Variants in MAN1A1 observed in about 807,000 individuals in gnomAD.
The protein encoded by MAN1A1 is mannosyl-oligosaccharide 1,2-alpha-mannosidase IA.
A neutral mutation model predicts 70.8 loss-of-function variants in MAN1A1; 29 were observed. That is an observed-to-expected ratio of 0.41 (90% CI 0.31 to 0.56). The LOEUF (loss-of-function observed/expected upper bound fraction) is 0.56, where lower values mean the gene tolerates loss of function less well. Ranked by LOEUF, MAN1A1 falls within the 20% of genes least tolerant of loss-of-function variation. The probability of loss-of-function intolerance (pLI) is 0.29; values close to 1 mark genes in which losing one functional copy is unlikely to be tolerated. For missense variants in MAN1A1, 747 were observed against 841.3 expected (o/e 0.89, Z 1.39); for synonymous variants, 349 against 330.1 (o/e 1.06, Z -0.62).
chr6:119,294,350 C>T (rs1772137988), intron 4 of MAN1A1, among the ~76,000 whole-genome samples: 1 of 152,010 alleles, frequency 6.6e-6, no homozygotes, highest in Non-Finnish European at 1.5e-5. Context: ...TTTCTACCGA[C>T]TTACCCTAAT....
chr6:119,330,490 T>C (rs1434211595), intron 2 of MAN1A1, among the ~76,000 whole-genome samples: 1 of 152,172 alleles, frequency 6.6e-6, no homozygotes, highest in Admixed American at 6.5e-5. Flanking sequence ...TACCCCTTTA[T>C]GCATTTAGGC....
chr6:119,337,986 C>T (rs182717545), intron 2 of MAN1A1, among the ~76,000 whole-genome samples: 48 of 150,910 alleles, frequency 3.2e-4, no homozygotes, highest in Middle Eastern at 3.4e-3. Context: ...CCTTAAATCA[C>T]AATATGGACT....
At chr6:119,317,156 T>C (rs924969562) in intron 2 of MAN1A1, among the ~76,000 whole-genome samples, 2 of 152,108 alleles carry the variant, frequency 1.3e-5, no homozygotes, top group Non-Finnish European at 2.9e-5. Context: ...ATATCCTCTG[T>C]ACCCCAAAGG....
intron 6 of MAN1A1, among the ~76,000 whole-genome samples, chr6:119,216,856 A>C (rs1178716504): frequency 6.6e-6 from 1 of 152,210 alleles, no homozygotes; most frequent in Non-Finnish European, 1.5e-5. Flanking sequence ...ATGTTGTTGT[A>C]TACTGTGTTT....
chr6:119,277,849 A>G (rs1166361760), intron 5 of MAN1A1, among the ~76,000 whole-genome samples: 1 of 147,078 alleles, frequency 6.8e-6, no homozygotes, highest in Non-Finnish European at 1.5e-5. Context: ...AGGCGGGAGA[A>G]TGGCATGAAC....
rs9481895 is a variant in MAN1A1 at position 119,273,370 on chromosome 6, C to A, written c.897+17313G>T. ...TCTCTATATTTTCCATAGCTGAAAT[C>A]ATATCATACATGAAAGTATCCTGCA... is the stretch of plus-strand genomic sequence containing the variant. On this transcript the variant is annotated intron_variant, in intron 5 of 12. Transcript: ENST00000368468. Among the ~76,000 whole-genome samples the A allele has an allele frequency of 2.9e-3, 440 of 152,244 alleles. 2 individuals are homozygous for A. Among genetic ancestry groups the A allele is most frequent in the African/African-American group, 0.01 (424 of 41,546 alleles).
chr6:119,204,750 GAA>G lies in MAN1A1; in HGVS notation c.1116+7_1116+8del. ...GCTTTGCAGGCCAAGGCACATTGAA[GAA>G]TCTCACCTTTTCAGCAAAGATGGGG... is the stretch of plus-strand genomic sequence containing the variant. On this transcript the variant is annotated splice_region_variant and intron_variant, in intron 7 of 12. Coordinates refer to ENST00000368468, the MANE Select transcript of MAN1A1 (RefSeq NM_005907.4). The G allele has an allele frequency of 6.2e-7, 1 of 1,613,802 alleles. No homozygotes were observed. Among genetic ancestry groups the G allele is most frequent in the Non-Finnish European group, 8.5e-7 (1 of 1,179,780 alleles).
chr6:119,298,874 G>C (rs1772307277), intron 4 of MAN1A1, among the ~76,000 whole-genome samples: 1 of 152,038 alleles, frequency 6.6e-6, no homozygotes, highest in African/African-American at 2.4e-5. Context: ...GGGATTACAG[G>C]AGTGAGCCAC....
At chr6:119,302,520 T>C (rs921937827) in intron 3 of MAN1A1, among the ~76,000 whole-genome samples, 3 of 152,114 alleles carry the variant, frequency 2.0e-5, no homozygotes, top group Non-Finnish European at 2.9e-5. Context: ...TAGCTGGGAC[T>C]ATAGGCGCAT....
chr6:119,184,792 T>C lies in MAN1A1; in HGVS notation c.1719+3613A>G, dbSNP rs191896438. On this transcript the variant is annotated intron_variant, in intron 11 of 12. Coordinates refer to ENST00000368468, the MANE Select transcript of MAN1A1 (RefSeq NM_005907.4). ...TTACCATAGATCAGCTGAGACATTA[T>C]ATAATCTATGTGAATATATACATAC... Among the ~76,000 whole-genome samples, 63 of 152,192 alleles carry C rather than the reference T, an allele frequency of 4.1e-4. 2 individuals are homozygous for C. The highest frequency in any genetic ancestry group is 1.0e-4 in the Non-Finnish European group (7 of 68,016).
intron 5 of MAN1A1, among the ~76,000 whole-genome samples, chr6:119,260,980 T>TGC (rs1775594506): frequency 2.5e-5 from 3 of 122,142 alleles, no homozygotes; most frequent in South Asian, 2.6e-4. Context: ...TTTATTGTTT[T>TGC]TTTTTTTTTT....
chr6:119,265,788 A>T (rs1775736476), intron 5 of MAN1A1, among the ~76,000 whole-genome samples: 1 of 152,150 alleles, frequency 6.6e-6, no homozygotes, highest in African/African-American at 2.4e-5. Context: ...AAGAAAAAAT[A>T]AAAAAGGAAA....
intron 6 of MAN1A1, among the ~76,000 whole-genome samples, chr6:119,211,181 G>A (rs1329322739): frequency 6.6e-6 from 1 of 152,130 alleles, no homozygotes; most frequent in Non-Finnish European, 1.5e-5. Flanking sequence ...TTTCAAGACA[G>A]TACTTAAGAC....
At chr6:119,185,278 T>G (rs998434745) in intron 11 of MAN1A1, among the ~76,000 whole-genome samples, 3 of 152,198 alleles carry the variant, frequency 2.0e-5, no homozygotes, top group Middle Eastern at 3.2e-3. Flanking sequence ...CACCTGTGAT[T>G]AATGGAGTGC....
At chr6:119,195,544 A>G (rs943335795) in intron 8 of MAN1A1, among the ~76,000 whole-genome samples, 3 of 152,114 alleles carry the variant, frequency 2.0e-5, no homozygotes, top group African/African-American at 7.2e-5. Context: ...GGTAGCACAC[A>G]CTTATCACCT....
At chr6:119,245,830 C>T (rs1430876711) in intron 6 of MAN1A1, among the ~76,000 whole-genome samples, 2 of 152,108 alleles carry the variant, frequency 1.3e-5, no homozygotes, top group African/African-American at 4.8e-5. Context: ...TCACCACATG[C>T]AATTTTTCTG....
At chr6:119,217,847 G>C (rs1262788868) in intron 6 of MAN1A1, among the ~76,000 whole-genome samples, 1 of 152,142 alleles carries the variant, frequency 6.6e-6, no homozygotes, top group East Asian at 1.9e-4. Flanking sequence ...TATCTAGAAA[G>C]GGAGTTCGTT....
intron 6 of MAN1A1, among the ~76,000 whole-genome samples, chr6:119,211,315 C>T (rs190692280): frequency 5.9e-5 from 9 of 152,294 alleles, no homozygotes; most frequent in Admixed American, 2.6e-4. Flanking sequence ...AGTAACTCTC[C>T]AAATTCTGTC....
chr6:119,344,883 C>T (rs975331739), intron 2 of MAN1A1, among the ~76,000 whole-genome samples: 1 of 151,848 alleles, frequency 6.6e-6, no homozygotes, highest in Non-Finnish European at 1.5e-5. Flanking sequence ...GAATAAAATA[C>T]TAAAGTCTTG....
Sources: allele counts gnomAD v4.1 joint callset (sites outside exome capture counted in the v4.1 genomes callset), GRCh38; gene constraint gnomAD v4.1.1; transcripts MANE v1.5; gene names NCBI Gene and HGNC (gene_info 2026-07-23, HGNC 2026-07-21).